Variants in SMARCAL1 observed in about 807,000 individuals in gnomAD.
The protein encoded by SMARCAL1 is ATP-driven annealing helicase.
A neutral mutation model predicts 94.5 loss-of-function variants in SMARCAL1; 58 were observed. The observed-to-expected ratio is 0.61, with a 90% CI of 0.50 to 0.76. The LOEUF (loss-of-function observed/expected upper bound fraction) is 0.76. SMARCAL1 is among the 30% of genes least tolerant of loss of function. The probability of loss-of-function intolerance (pLI) is 0.00; values close to 1 mark genes in which losing one functional copy is unlikely to be tolerated. For synonymous variants in SMARCAL1, 422 were observed against 455.1 expected, an observed-to-expected ratio of 0.93 and a Z score of 0.93; for missense variants, 1,051 against 1,177.9, an observed-to-expected ratio of 0.89 and a Z score of 1.58.
intron 14 of SMARCAL1, among the ~76,000 whole-genome samples, chr2:216,468,772 G>A (rs966938258): frequency 4.6e-5 from 7 of 152,112 alleles, no homozygotes; most frequent in African/African-American, 1.4e-4. Flanking sequence ...CCATGCTGGA[G>A]TGCAGTGGCA....
intron 17 of SMARCAL1, among the ~76,000 whole-genome samples, chr2:216,481,184 ATATTTATT>A (rs138505181): frequency 0.052 from 7,965 of 151,808 alleles, 430 homozygotes; most frequent in East Asian, 0.16. Flanking sequence ...TTGATTTTTT[ATATTTATT>A]TATTTATTTA....
intron 5 of SMARCAL1, among the ~76,000 whole-genome samples, chr2:216,422,910 C>G (rs559056069): frequency 6.6e-6 from 1 of 152,198 alleles, no homozygotes; most frequent in Admixed American, 6.5e-5. Flanking sequence ...TTATACTACA[C>G]GATGCTGATT....
At chr2:216,426,269 T>C (rs1167326150) in intron 6 of SMARCAL1, among the ~76,000 whole-genome samples, 1 of 152,244 alleles carries the variant, frequency 6.6e-6, no homozygotes, top group African/African-American at 2.4e-5. Context: ...TTGACTTTTA[T>C]GGAATGACAA....
At chr2:216,423,762 G>T (rs1693774277) in intron 6 of SMARCAL1, 79 bp downstream of exon 6, 2 of 1,304,278 alleles carry the variant, frequency 1.5e-6, no homozygotes, top group Non-Finnish European at 2.2e-6. Context: ...ATGTATTTTT[G>T]AAGAATCTTC....
At position 216,415,356 on chromosome 2, in the gene SMARCAL1, A is replaced by G. The variant is rs1431006768; in HGVS notation, c.652A>G (p.Thr218Ala). The change falls in exon 3 of 18, where the codon ACA (threonine) becomes GCA (alanine). Residue 218 changes from threonine to alanine, a missense_variant. Thr to Ala is a moderately conservative substitution (Grantham distance 58). Coordinates refer to ENST00000357276, the MANE Select transcript of SMARCAL1 (RefSeq NM_014140.4). ...HSSSESVTPR[T>A]EGRLQQKSGS... ...TAGCTCAGAGAGTGTAACGCCCAGG[A>G]CAGAAGGAAGACTCCAGCAGAAGTC... 5 of 1,614,242 alleles carry G rather than the reference A, an allele frequency of 3.1e-6. No individual in the cohort carries two copies. The highest frequency in any genetic ancestry group is 2.2e-5 in the East Asian group (1 of 44,884).
chr2:216,430,107 C>T (rs868661749), intron 7 of SMARCAL1, among the ~76,000 whole-genome samples: 1 of 152,180 alleles, frequency 6.6e-6, no homozygotes, highest in South Asian at 2.1e-4. Context: ...CCAGTTACCC[C>T]ATTACCCCTG....
chr2:216,450,409 C>T (rs969560926), intron 11 of SMARCAL1, among the ~76,000 whole-genome samples: 1 of 152,186 alleles, frequency 6.6e-6, no homozygotes, highest in Non-Finnish European at 1.5e-5. Context: ...CCCTGTAAGT[C>T]TCATCAAATA....
chr2:216,466,237 A>G (rs1694826968), intron 13 of SMARCAL1, among the ~76,000 whole-genome samples: 1 of 152,140 alleles, frequency 6.6e-6, no homozygotes, highest in South Asian at 2.1e-4. Context: ...TCTTTCTACC[A>G]CCTCATAAAT....
At chr2:216,413,076 C>T (rs1340107111) in intron 1 of SMARCAL1, 1 of 150,572 alleles carries the variant, frequency 6.6e-6, no homozygotes, top group African/African-American at 2.5e-5. Flanking sequence ...CTTTTCCTAA[C>T]CTCTTCACCC....
rs1181432156 is a variant in SMARCAL1, at chr2:216,414,932, C to T, written c.228C>T (p.Leu76=). The part of the protein sequence containing the change: ...SHGVIFKQQN[L]SSSSNADQRP... ...GTGTCATTTTCAAGCAACAGAATCTCAGTAGCTCATCTAATGCTGACCAAA... is the reference window on the plus strand; with the variant it reads ...GTGTCATTTTCAAGCAACAGAATCTTAGTAGCTCATCTAATGCTGACCAAA... The change falls in exon 3 of 18, where the codon CTC becomes CTT. Residue 76 remains leucine, a synonymous_variant. Transcript: ENST00000357276. 4 of 1,614,084 alleles carry T rather than the reference C, an allele frequency of 2.5e-6. No individual in the cohort carries two copies. The highest frequency in any genetic ancestry group is 1.1e-5 in the South Asian group (1 of 91,080).
intron 14 of SMARCAL1, among the ~76,000 whole-genome samples, chr2:216,471,919 C>T (rs1694974677): frequency 6.6e-6 from 1 of 152,040 alleles, no homozygotes; most frequent in Non-Finnish European, 1.5e-5. Context: ...TCAGTGGTTC[C>T]TAACTTTGGA....
At chr2:216,467,332 G>A (rs1574478837) in intron 13 of SMARCAL1, among the ~76,000 whole-genome samples, 1 of 151,696 alleles carries the variant, frequency 6.6e-6, no homozygotes, top group South Asian at 2.1e-4. Flanking sequence ...TTAGCTGGGC[G>A]TTGTGGTACA....
At chr2:216,455,195 C>G (rs1694537272) in intron 12 of SMARCAL1, among the ~76,000 whole-genome samples, 1 of 152,242 alleles carries the variant, frequency 6.6e-6, no homozygotes, top group Non-Finnish European at 1.5e-5. Context: ...GTAAACAAAG[C>G]AGCTGGGAAG....
chr2:216,470,638 C>G (rs746729831), intron 14 of SMARCAL1, among the ~76,000 whole-genome samples: 37 of 151,746 alleles, frequency 2.4e-4, no homozygotes, highest in Non-Finnish European at 4.9e-4. Context: ...CAGGAATGTA[C>G]CACCACGCCT....
chr2:216,448,689 G>A (rs774179475), intron 11 of SMARCAL1, among the ~76,000 whole-genome samples: 77 of 152,086 alleles, frequency 5.1e-4, no homozygotes, highest in Middle Eastern at 3.4e-3. Context: ...AATTTTTGCC[G>A]CATGCAGCGG....
At position 216,475,271 on chromosome 2, in the gene SMARCAL1, C is replaced by T. The variant is rs775975242; in HGVS notation, c.2247C>T (p.His749=). The change falls in exon 15 of 18, where the codon CAC becomes CAT. Residue 749 remains histidine (H), a splice_region_variant and synonymous_variant. Coordinates refer to ENST00000357276, the MANE Select transcript of SMARCAL1 (RefSeq NM_014140.4). This position sits in a 1 kb window ranked among gnomAD's most constrained non-coding sequence, Gnocchi z 4.4. ...GCTTCTGCCCCTTGTTCCTGCAGCA[C>T]GTGCAGCACATCCGCATCGATGGCT... ...DAITQELERK[H]VQHIRIDGST... The T allele has an allele frequency of 1.5e-5, 24 of 1,614,042 alleles. No homozygotes were observed. The highest frequency in any genetic ancestry group is 1.6e-4 in the Middle Eastern group (1 of 6,082).
chr2:216,441,271 G>T (rs1326894192), intron 10 of SMARCAL1, among the ~76,000 whole-genome samples: 1 of 152,194 alleles, frequency 6.6e-6, no homozygotes, highest in East Asian at 1.9e-4. Flanking sequence ...GAGAAGGTGT[G>T]TTAGATTGTA....
At chr2:216,419,068 G>C (rs895740926) in intron 4 of SMARCAL1, among the ~76,000 whole-genome samples, 5 of 152,166 alleles carry the variant, frequency 3.3e-5, no homozygotes, top group Non-Finnish European at 5.9e-5. Flanking sequence ...AAGCTGTAGA[G>C]GAACACCTTC....
chr2:216,476,958 G>A (rs957310846), intron 15 of SMARCAL1, 151 bp from the exon 16 acceptor site: 2 of 698,194 alleles, frequency 2.9e-6, no homozygotes, highest in Non-Finnish European at 5.2e-6. Context: ...ATGGTAAAGT[G>A]CAGGTTATTT....
Sources: gnomAD v4.1 joint callset for allele counts (sites outside exome capture counted in the v4.1 genomes callset) on GRCh38, gnomAD v4.1.1 for gene constraint, Gnocchi (gnomAD v3.1) non-coding constraint, MANE v1.5 for transcripts, NCBI Gene and HGNC (gene_info 2026-07-23, HGNC 2026-07-21) for gene names.